Variants in TEX9 observed in about 807,000 individuals in gnomAD.
The protein encoded by TEX9 is testis-expressed protein 9.
A neutral mutation model predicts 59.6 loss-of-function variants in TEX9; 74 were observed. The ratio of observed to expected loss-of-function variants is 1.24; its 90% CI spans 1.03 to 1.51. TEX9 has a LOEUF of 1.51. TEX9 is among the 40% of genes most tolerant of loss of function. TEX9 has a pLI of 0.00. For missense variants in TEX9, 522 were observed against 447.8 expected, an observed-to-expected ratio of 1.17 and a Z score of -1.49; for synonymous variants, 186 against 152.2, an observed-to-expected ratio of 1.22 and a Z score of -1.64.
At chr15:56,411,194 A>G (rs1361352707) in intron 9 of TEX9, among the ~76,000 whole-genome samples, 1 of 152,226 alleles carries the variant, frequency 6.6e-6, no homozygotes, top group Admixed American at 6.5e-5. Context: ...GATATAAAGA[A>G]GAGTGGGTTT....
chr15:56,300,555 C>G (rs1014999403), intron 1 of TEX9, among the ~76,000 whole-genome samples: 2 of 152,006 alleles, frequency 1.3e-5, no homozygotes, highest in East Asian at 3.9e-4. Context: ...TAAGCAGAAG[C>G]CAGGCAGTGT....
At chr15:56,429,096 TG>T (rs2050474245) in intron 12 of TEX9, 3 of 1,563,424 alleles carry the variant, frequency 1.9e-6, no homozygotes, top group Non-Finnish European at 2.6e-6. Flanking sequence ...CCAATTTTGA[TG>T]ATATCATTTC....
At chr15:56,288,740 G>A (rs113010988) in intron 1 of TEX9, among the ~76,000 whole-genome samples, 97 of 152,036 alleles carry the variant, frequency 6.4e-4, no homozygotes, top group African/African-American at 2.2e-3. Context: ...GAATCTGATT[G>A]GAGGCTTTTA....
At chr15:56,296,263 T>A (rs1055217265) in intron 1 of TEX9, among the ~76,000 whole-genome samples, 2 of 152,228 alleles carry the variant, frequency 1.3e-5, no homozygotes, top group Non-Finnish European at 1.5e-5. Flanking sequence ...TATGCTTCTT[T>A]TAAAATCTAA....
At chr15:56,272,150 A>C (rs2141400499) in intron 1 of TEX9, among the ~76,000 whole-genome samples, 1 of 151,966 alleles carries the variant, frequency 6.6e-6, no homozygotes, top group African/African-American at 2.4e-5. Context: ...TCTCAAAAAA[A>C]AAAAAATGTA....
chr15:56,324,030 A>G lies in TEX9; in HGVS notation c.-106-49411A>G, dbSNP rs74553380. On this transcript the variant is annotated intron_variant, in intron 1 of 5. Coordinates refer to the TEX9 transcript ENST00000560827. ...AGCCACAAACCTGGCCTGGTACAGT[A>G]TGGGGGTCGTAAACTGGCATAGAAA... 4.8e-3 allele frequency among the ~76,000 whole-genome samples: 737 copies of G among 152,250 alleles called. 5 individuals are homozygous for G. The highest frequency in any genetic ancestry group is 0.017 in the African/African-American group (693 of 41,544).
chr15:56,263,532 C>A (rs537478825), intron 1 of TEX9, among the ~76,000 whole-genome samples: 2 of 151,562 alleles, frequency 1.3e-5, no homozygotes, highest in African/African-American at 4.9e-5. Context: ...TTTCTTTATT[C>A]GTTGTTCTTT....
chr15:56,420,084 C>T (rs982713928), intron 10 of TEX9, among the ~76,000 whole-genome samples: 1 of 151,752 alleles, frequency 6.6e-6, no homozygotes. Context: ...CCTTATTGTC[C>T]TCTGAATATT....
At chr15:56,248,511 T>A (rs2141282561) in intron 1 of TEX9, among the ~76,000 whole-genome samples, 2 of 152,332 alleles carry the variant, frequency 1.3e-5, no homozygotes, top group Non-Finnish European at 2.9e-5. Context: ...AAAGTTCACA[T>A]AATATACTCA....
chr15:56,324,636 T>C (rs780231890), intron 1 of TEX9, among the ~76,000 whole-genome samples: 34 of 152,320 alleles, frequency 2.2e-4, no homozygotes, highest in Non-Finnish European at 4.7e-4. Context: ...AGTATGGAAA[T>C]GTGGTGAACT....
intron 7 of TEX9, among the ~76,000 whole-genome samples, chr15:56,393,222 A>G (rs1368577606): frequency 6.6e-6 from 1 of 152,030 alleles, no homozygotes; most frequent in Admixed American, 6.6e-5. Flanking sequence ...CACCCTTTTT[A>G]ATTTGTCATT....
chr15:56,458,209 T>C, the TEX9 span, among the ~76,000 whole-genome samples: 3 of 152,234 alleles, frequency 2.0e-5, no homozygotes, highest in Admixed American at 2.0e-4. Context: ...AAAATTCACC[T>C]TTTACAATTC....
At chr15:56,459,750 G>A in the TEX9 span, among the ~76,000 whole-genome samples, 9 of 151,508 alleles carry the variant, frequency 5.9e-5, no homozygotes, top group African/African-American at 2.2e-4. Flanking sequence ...GAGCACTTTG[G>A]GAGGCCGAAG....
At chr15:56,326,389 A>C (rs2046019917) in intron 1 of TEX9, among the ~76,000 whole-genome samples, 1 of 152,210 alleles carries the variant, frequency 6.6e-6, no homozygotes, top group Non-Finnish European at 1.5e-5. Context: ...AAGGACACAA[A>C]ATAAACTCAA....
intron 9 of TEX9, chr15:56,398,450 T>G (rs536122850): frequency 1.3e-5 from 2 of 152,342 alleles, no homozygotes; most frequent in African/African-American, 4.8e-5. Flanking sequence ...GAAAAAGCTG[T>G]AGTGTCTAGG....
At chr15:56,412,162 C>G in intron 9 of TEX9, 140 bp from the exon 10 acceptor site, 1 of 709,486 alleles carries the variant, frequency 1.4e-6, no homozygotes, top group Non-Finnish European at 2.2e-6. Context: ...TGTTCAGCCT[C>G]TACCCCCAAG....
At chr15:56,363,361 A>G (rs2046826891), upstream of TEX9, among the ~76,000 whole-genome samples, 2 of 150,194 alleles carry the variant, frequency 1.3e-5, no homozygotes, top group Non-Finnish European at 3.0e-5. Context: ...ATCTCCCAGC[A>G]TTTCACCATG....
chr15:56,427,747 T>TATC lies in TEX9; in HGVS notation c.1098+11_1098+13dup, dbSNP rs2050377721. ...GTTTTAAAAAGGCAAAAGGTGAGTC[T>TATC]ATCATTAAAGTTAAATCATCATATT... On this transcript the variant is annotated intron_variant, in intron 11 of 12. Coordinates refer to ENST00000352903, the Ensembl canonical transcript of TEX9. 4.8e-6 allele frequency: 7 copies of TATC among 1,449,956 alleles called. No individual in the cohort carries two copies. Among genetic ancestry groups the TATC allele is most frequent in the South Asian group, 1.5e-5 (1 of 66,424 alleles). The allele number at this position is 1,449,956 out of a possible 1,614,324, so 89.8% of individuals were successfully genotyped here. A position where few individuals can be genotyped will look rare whatever the true frequency, so the allele number is the denominator to read the frequency against.
At chr15:56,275,745 T>A (rs1280136752) in intron 1 of TEX9, among the ~76,000 whole-genome samples, 1 of 152,228 alleles carries the variant, frequency 6.6e-6, no homozygotes, top group Non-Finnish European at 1.5e-5. Context: ...AGATTTAACT[T>A]TTCTGAACTG....
Sources: allele counts gnomAD v4.1 joint callset (sites outside exome capture counted in the v4.1 genomes callset), GRCh38; gene constraint gnomAD v4.1.1; transcripts MANE v1.5; gene names NCBI Gene and HGNC (gene_info 2026-07-23, HGNC 2026-07-21).